The following APLF variants were observed in gnomAD, a reference collection of about 807,000 sequenced individuals.
APLF encodes aprataxin and PNK-like factor.
APLF carries 61 observed loss-of-function variants against 55.6 expected under a neutral mutation model. The ratio of observed to expected loss-of-function variants is 1.10; its 90% CI spans 0.89 to 1.36. APLF has a LOEUF of 1.36. Among genes scored for constraint, APLF ranks in the 40% most tolerant of loss-of-function variants. APLF has a pLI of 0.00. For synonymous variants in APLF, 207 were observed against 214.8 expected (o/e 0.96, Z 0.32); for missense variants, 611 against 602.5 (o/e 1.01, Z -0.15).
intron 3 of APLF, among the ~76,000 whole-genome samples, chr2:68,511,445 AT>A (rs929575386): frequency 2.0e-5 from 3 of 151,548 alleles, no homozygotes; most frequent in East Asian, 3.9e-4. Context: ...TTGTTCTGAA[AT>A]TTTTTTTGTT....
In APLF at chr2:68,538,247, A is replaced by G. The variant is rs1030449996; in HGVS notation, c.1160+20A>G. ...CTATAGGTAAAATGAAATTACAGTA[A>G]CATTTAATTCCATTATTTTGATAGC... On this transcript the variant is annotated intron_variant, in intron 7 of 9. Coordinates refer to ENST00000303795, the MANE Select transcript of APLF (RefSeq NM_173545.3). 1.3e-6 allele frequency: 2 copies of G among 1,557,836 alleles called. No individual in the cohort carries two copies. Among genetic ancestry groups the G allele is most frequent in the African/African-American group, 2.7e-5 (2 of 72,806 alleles).
Position 68,526,094 on chromosome 2 carries a change from T to A in APLF, c.656T>A (p.Ile219Asn), listed in dbSNP as rs1256258851. 6.2e-7 allele frequency: 1 copy of A among 1,613,346 alleles called. No homozygotes were observed. Among genetic ancestry groups the A allele is most frequent in the East Asian group, 2.2e-5 (1 of 44,840 alleles). The change falls in exon 6 of 10, where the codon ATC (isoleucine) becomes AAC (asparagine). Residue 219 changes from isoleucine (I) to asparagine (N), a missense_variant. Transcript: ENST00000303795. ...NVIQGSGKEE[I>N]CKDKSQLNTT... is the part of the protein sequence containing the mutation. ...ATCCAGGGAAGTGGAAAAGAAGAAA[T>A]CTGCAAAGATAAATCCCAGCTAAAC...
intron 7 of APLF, among the ~76,000 whole-genome samples, chr2:68,542,780 C>A (rs1670592611): frequency 6.6e-6 from 1 of 152,112 alleles, no homozygotes; most frequent in African/African-American, 2.4e-5. Context: ...GATAGAATTA[C>A]CCTATTATAT....
At chr2:68,534,466 T>A (rs1467530490) in intron 6 of APLF, among the ~76,000 whole-genome samples, 1 of 152,114 alleles carries the variant, frequency 6.6e-6, no homozygotes, top group Non-Finnish European at 1.5e-5. Context: ...AGGTGGAAGT[T>A]CTTTATCTTG....
intron 8 of APLF, among the ~76,000 whole-genome samples, chr2:68,561,015 CAG>C (rs1238056481): frequency 4.6e-5 from 7 of 151,866 alleles, no homozygotes; most frequent in Non-Finnish European, 1.0e-4. Context: ...TGAGATATGA[CAG>C]GGAAAATATT....
chr2:68,555,686 A>T (rs1285405540), intron 8 of APLF, among the ~76,000 whole-genome samples: 1 of 152,184 alleles, frequency 6.6e-6, no homozygotes, highest in Admixed American at 6.5e-5. Context: ...GGCCATAATC[A>T]AAAAATGAAA....
chr2:68,558,357 A>G (rs540991001), intron 8 of APLF, among the ~76,000 whole-genome samples: 1 of 152,148 alleles, frequency 6.6e-6, no homozygotes, highest in African/African-American at 2.4e-5. Context: ...TTACTATTTT[A>G]TGCTGGTTTA....
chr2:68,502,732 T>C lies in APLF; in HGVS notation c.170T>C (p.Ile57Thr), dbSNP rs763330440. The C allele has an allele frequency of 2.0e-6, 3 of 1,489,594 alleles. No individual in the cohort carries two copies. Among genetic ancestry groups the C allele is most frequent in the Non-Finnish European group, 2.7e-6 (3 of 1,122,708 alleles). 92.3% of individuals were successfully genotyped at this position (1,489,594 alleles called of 1,614,324 possible). The change falls in exon 3 of 10, where the codon ATA becomes ACA. Residue 57 changes from isoleucine to threonine, a missense_variant and splice_region_variant. Coordinates refer to ENST00000303795, the MANE Select transcript of APLF (RefSeq NM_173545.3). Reference protein sequence around the residue: ...VAGGQLRIKPIHTNPCFYQSS... With the variant: ...VAGGQLRIKPTHTNPCFYQSS... Reference sequence around the variant, plus strand: ...TTATATTCTTTTTTAATTTGTTAGATACACACAAATCCATGTTTTTACCAG... The same window carrying C: ...TTATATTCTTTTTTAATTTGTTAGACACACACAAATCCATGTTTTTACCAG...
intron 6 of APLF, among the ~76,000 whole-genome samples, chr2:68,527,261 C>T (rs1379002373): frequency 2.0e-5 from 3 of 150,784 alleles, no homozygotes; most frequent in Non-Finnish European, 4.4e-5. Flanking sequence ...GGTGAGGAGG[C>T]GGGGCAGAGG....
intron 5 of APLF, among the ~76,000 whole-genome samples, chr2:68,517,518 AT>A (rs1285931212): frequency 7.1e-6 from 1 of 141,596 alleles, no homozygotes; most frequent in East Asian, 2.1e-4. Flanking sequence ...ATATATTAAT[AT>A]ATCAATATAT....
In APLF at chr2:68,545,256, G is replaced by A. The variant is rs374080703; in HGVS notation, c.1230G>A (p.Val410=). The A allele has an allele frequency of 2.5e-5, 40 of 1,613,650 alleles. No homozygotes were observed. In the African/African-American group the frequency reaches 4.7e-4, roughly 19 times the overall value. Residue 410 remains valine (V), a synonymous_variant, in exon 8 of 10, where the codon GTG becomes GTA. Coordinates refer to ENST00000303795, the MANE Select transcript of APLF (RefSeq NM_173545.3). ...GTGATTATGGAGGTGTACAAATCGT[G>A]GGCCAAGATGAGACTGATGACCGGC... ...GDSDYGGVQI[V]GQDETDDRPE...
intron 8 of APLF, among the ~76,000 whole-genome samples, chr2:68,559,725 C>T (rs1302599067): frequency 4.6e-5 from 7 of 152,228 alleles, no homozygotes; most frequent in African/African-American, 1.2e-4. Context: ...TCATAACCAC[C>T]ATCCTCTCTT....
chr2:68,472,579 T>C (rs1675654117), intron 1 of APLF, among the ~76,000 whole-genome samples: 2 of 151,732 alleles, frequency 1.3e-5, no homozygotes, highest in African/African-American at 4.9e-5. Flanking sequence ...TACAGAGAGG[T>C]ATAAGAAGGA....
chr2:68,569,837 C>A, intron 9 of APLF, among the ~76,000 whole-genome samples: 1 of 152,002 alleles, frequency 6.6e-6, no homozygotes, highest in East Asian at 1.9e-4. Context: ...CAGGATGACT[C>A]AGGATTATAG....
At chr2:68,539,412 C>G (rs1189917759) in intron 7 of APLF, among the ~76,000 whole-genome samples, 1 of 152,226 alleles carries the variant, frequency 6.6e-6, no homozygotes, top group Non-Finnish European at 1.5e-5. Context: ...CTGCCACTTT[C>G]TCACTGTGTC....
intron 1 of APLF, 65 bp downstream of exon 1, chr2:68,467,892 C>A: frequency 8.5e-7 from 1 of 1,175,744 alleles, no homozygotes; most frequent in Non-Finnish European, 1.1e-6. Context: ...CTCCTGAAGA[C>A]CGGCCCTAGT....
chr2:68,577,994 A>C lies in APLF; in HGVS notation c.1508A>C (p.Glu503Ala). ...GAAGATGTGGAAGAGCTTTTGAAAG[A>C]AGCAAAAAGGTTTATGAAAAGAAAA... ...EKEDVEELLK[E>A]AKRFMKRK Residue 503 changes from glutamate (E) to alanine (A), a missense_variant, in exon 10 of 10, where the codon GAA becomes GCA. By Grantham distance (107) the Glu-to-Ala change is moderately radical. Coordinates refer to ENST00000303795, the MANE Select transcript of APLF (RefSeq NM_173545.3). 6.2e-7 allele frequency: 1 copy of C among 1,613,166 alleles called. No homozygotes were observed. The highest frequency in any genetic ancestry group is 1.7e-4 in the Middle Eastern group (1 of 6,050).
At chr2:68,487,709 C>A (rs972486185) in intron 1 of APLF, among the ~76,000 whole-genome samples, 1 of 152,094 alleles carries the variant, frequency 6.6e-6, no homozygotes, top group Non-Finnish European at 1.5e-5. Context: ...CTCCCCACCC[C>A]TCTCCGTATA....
At chr2:68,554,750 A>G (rs941309610) in intron 8 of APLF, among the ~76,000 whole-genome samples, 2 of 151,450 alleles carry the variant, frequency 1.3e-5, no homozygotes, top group Non-Finnish European at 2.9e-5. Flanking sequence ...TTGATTTTGT[A>G]TCCGGAAACT....
Sources: allele counts gnomAD v4.1 joint callset (sites outside exome capture counted in the v4.1 genomes callset), GRCh38; gene constraint gnomAD v4.1.1; transcripts MANE v1.5; gene names NCBI Gene and HGNC (gene_info 2026-07-23, HGNC 2026-07-21).